Variants in LSM14A observed in about 807,000 individuals in gnomAD.
The protein encoded by LSM14A is protein LSM14 homolog A.
In LSM14A, 14 loss-of-function variants were observed where a neutral mutation model predicts 52.4. The ratio of observed to expected loss-of-function variants is 0.27; its 90% CI spans 0.18 to 0.42. LSM14A has a LOEUF of 0.42. Ranked by LOEUF, LSM14A falls within the 10% of genes least tolerant of loss-of-function variation. The probability of loss-of-function intolerance (pLI) is 1.00; values close to 1 mark genes in which losing one functional copy is unlikely to be tolerated. For synonymous variants in LSM14A, 185 were observed against 200.3 expected, an observed-to-expected ratio of 0.92 and a Z score of 0.64; for missense variants, 417 against 581.8, an observed-to-expected ratio of 0.72 and a Z score of 2.91.
intron 1 of LSM14A, among the ~76,000 whole-genome samples, chr19:34,174,538 G>T (rs1056001366): frequency 1.3e-5 from 2 of 152,214 alleles, no homozygotes; most frequent in African/African-American, 4.8e-5. Context: ...AGACTTGGCG[G>T]TTAGAAATCG....
At chr19:34,220,580 G>C (rs2072989454) in intron 8 of LSM14A, among the ~76,000 whole-genome samples, 1 of 151,636 alleles carries the variant, frequency 6.6e-6, no homozygotes, top group Admixed American at 6.6e-5. Flanking sequence ...CCAGTGTGAG[G>C]AACTAACAGT....
rs1306000214 is a variant in LSM14A at position 34,192,316 on chromosome 19, G to GTTTTTTTTTTTTTTTTTTTTTTTTT, written c.122-2160_122-2159insTTTTTTTTTTTTTTTTTTTTTTTTT. Among the ~76,000 whole-genome samples, 24 of 65,772 alleles carry GTTTTTTTTTTTTTTTTTTTTTTTTT rather than the reference G, an allele frequency of 3.6e-4. 2 individuals are homozygous for GTTTTTTTTTTTTTTTTTTTTTTTTT. Among genetic ancestry groups the GTTTTTTTTTTTTTTTTTTTTTTTTT allele is most frequent in the South Asian group, 4.4e-4 (1 of 2,250 alleles). The allele number at this position is 65,772 out of a possible 152,430, so 43.1% of individuals were successfully genotyped here. On this transcript the variant is annotated intron_variant, in intron 1 of 9. Coordinates refer to ENST00000544216, the MANE Select transcript of LSM14A (RefSeq NM_015578.4). ...TTTACACTGAAATAACATTCTTTTT[G>GTTTTTTTTTTTTTTTTTTTTTTTTT]TTGTTTTTTTTTTTTTTTTTTTTTT...
intron 3 of LSM14A, among the ~76,000 whole-genome samples, chr19:34,206,888 C>A (rs1210217329): frequency 6.6e-6 from 1 of 152,150 alleles, no homozygotes; most frequent in Non-Finnish European, 1.5e-5. Flanking sequence ...AGATTTATCT[C>A]AGGACTGCGA....
At chr19:34,181,602 T>C (rs1339609612) in intron 1 of LSM14A, among the ~76,000 whole-genome samples, 1 of 152,174 alleles carries the variant, frequency 6.6e-6, no homozygotes, top group African/African-American at 2.4e-5. Flanking sequence ...TTTTTCCTCA[T>C]ATCTCACTGG....
At chr19:34,203,760 G>T (rs949939333) in intron 3 of LSM14A, among the ~76,000 whole-genome samples, 13 of 150,086 alleles carry the variant, frequency 8.7e-5, no homozygotes, top group African/African-American at 2.9e-4. Context: ...TTGAAATCAT[G>T]CCACTGTACT....
chr19:34,196,464 G>A (rs1377870578), intron 2 of LSM14A, among the ~76,000 whole-genome samples, 170 bp from the exon 3 acceptor site: 6 of 152,284 alleles, frequency 3.9e-5, no homozygotes, highest in African/African-American at 1.4e-4. Flanking sequence ...GACAGATACT[G>A]AAATCAAAAG....
chr19:34,217,679 G>A (rs1034862505), intron 6 of LSM14A, among the ~76,000 whole-genome samples: 7 of 123,346 alleles, frequency 5.7e-5, no homozygotes, highest in Non-Finnish European at 1.1e-4. Context: ...CCAGGCTGGA[G>A]TGCAGTGGGG....
At position 34,212,902 on chromosome 19, in the gene LSM14A, G is replaced by T. The variant is rs570887424; in HGVS notation, c.539-2222G>T. Among the ~76,000 whole-genome samples, 22 of 152,254 alleles carry T rather than the reference G, an allele frequency of 1.4e-4. No individual in the cohort carries two copies. In the East Asian group the frequency reaches 4.2e-3, roughly 29 times the overall value. ...CATAGGATCTTTTCTCAAAAGCCTT[G>T]ATAAAGAAGTTTTATAAACTTATAA... On this transcript the variant is annotated intron_variant, in intron 4 of 9. Transcript: ENST00000544216.
At chr19:34,179,659 G>A (rs973968652) in intron 1 of LSM14A, among the ~76,000 whole-genome samples, 2 of 151,888 alleles carry the variant, frequency 1.3e-5, no homozygotes, top group African/African-American at 4.8e-5. Context: ...CGGAAGTAAA[G>A]AAAACAGCAT....
intron 1 of LSM14A, among the ~76,000 whole-genome samples, chr19:34,187,805 G>A (rs371167703): frequency 6.6e-6 from 1 of 151,978 alleles, no homozygotes; most frequent in Non-Finnish European, 1.5e-5. Flanking sequence ...TTTGGCATTA[G>A]GATGATGTTT....
rs61483260 is a variant in LSM14A, at chr19:34,227,826, GTGTA to G, written c.*442_*445del. 1,469 of 148,738 alleles carry G rather than the reference GTGTA, an allele frequency of 9.9e-3. 28 individuals carry two copies. The highest frequency in any genetic ancestry group is 0.028 in the African/African-American group (1,119 of 39,294). 9.2% of individuals were successfully genotyped at this position (148,738 alleles called of 1,614,324 possible). A position where few individuals can be genotyped will look rare whatever the true frequency, so the allele number is the denominator to read the frequency against. On this transcript the variant is annotated 3_prime_UTR_variant, in exon 10 of 10. Coordinates refer to ENST00000544216, the MANE Select transcript of LSM14A (RefSeq NM_015578.4). ...TGTGTGTGTGTGTGTGTGTGTGTGT[GTGTA>G]TGTGTGTGTCTTTTTCCTCCTTTCT...
At chr19:34,192,520 G>A (rs146732353) in intron 1 of LSM14A, among the ~76,000 whole-genome samples, 1 of 149,200 alleles carries the variant, frequency 6.7e-6, no homozygotes, top group African/African-American at 2.5e-5. Context: ...AGTAGAGATG[G>A]GGTTTCACCA....
chr19:34,209,752 G>GT (rs564104461), intron 4 of LSM14A, among the ~76,000 whole-genome samples: 269 of 151,708 alleles, frequency 1.8e-3, no homozygotes, highest in African/African-American at 6.4e-3. Flanking sequence ...GCCCAGGCTG[G>GT]TCTCGAACTC....
chr19:34,206,069 A>C (rs2145750764), intron 3 of LSM14A, among the ~76,000 whole-genome samples: 2 of 152,340 alleles, frequency 1.3e-5, no homozygotes, highest in East Asian at 3.9e-4. Context: ...CACAAGAGGA[A>C]ATAAAATCTC....
intron 1 of LSM14A, among the ~76,000 whole-genome samples, chr19:34,187,458 T>C (rs890327390): frequency 6.6e-5 from 10 of 151,990 alleles, no homozygotes; most frequent in Admixed American, 5.9e-4. Flanking sequence ...TTTGTTTTTG[T>C]TTTTTCTTAA....
chr19:34,198,286 T>C (rs1233248561), intron 3 of LSM14A, among the ~76,000 whole-genome samples: 1 of 148,280 alleles, frequency 6.7e-6, no homozygotes, highest in African/African-American at 2.5e-5. Context: ...TTTTACTTAT[T>C]CACAAAATAA....
chr19:34,226,412 C>CGAT (rs1369436673), intron 9 of LSM14A: 1 of 1,276,338 alleles, frequency 7.8e-7, no homozygotes, highest in Non-Finnish European at 1.1e-6. Flanking sequence ...TTTCAGAAAA[C>CGAT]CACAGCTTTT....
At chr19:34,203,888 AGT>A (rs1465048478) in intron 3 of LSM14A, among the ~76,000 whole-genome samples, 2 of 150,644 alleles carry the variant, frequency 1.3e-5, no homozygotes, top group African/African-American at 4.9e-5. Context: ...AAAGGCAGAG[AGT>A]GTCAGACTGA....
intron 3 of LSM14A, among the ~76,000 whole-genome samples, chr19:34,206,079 C>T (rs1208822606): frequency 6.6e-6 from 1 of 152,152 alleles, no homozygotes; most frequent in Non-Finnish European, 1.5e-5. Context: ...AATAAAATCT[C>T]AATATCTCTA....
Sources: gnomAD v4.1 joint callset for allele counts (sites outside exome capture counted in the v4.1 genomes callset) on GRCh38, gnomAD v4.1.1 for gene constraint, MANE v1.5 for transcripts, NCBI Gene and HGNC (gene_info 2026-07-23, HGNC 2026-07-21) for gene names.